Variants in WDFY3 observed in about 807,000 individuals in gnomAD.
WDFY3 encodes the protein WD repeat and FYVE domain containing 3.
In WDFY3, 66 loss-of-function variants were observed where a neutral mutation model predicts 409.6. That is an observed-to-expected ratio of 0.16 (90% CI 0.13 to 0.20). WDFY3 has a LOEUF of 0.20. WDFY3 is among the 10% of genes least tolerant of loss of function. The pLI is 1.00. For missense variants in WDFY3, 3,031 were observed against 4,298.1 expected (o/e 0.71, Z 8.24); for synonymous variants, 1,521 against 1,537.1 (o/e 0.99, Z 0.25).
In WDFY3 at chr4:84,765,889, CT is replaced by C. The variant is rs1313988407; in HGVS notation, c.5108del (p.Lys1703SerfsTer19). ...CTCCACCACTGAGTCCTTCTTTAAACTTGATGAGAATAGACTGATTACTTAG... is the reference window on the plus strand; with the variant it reads ...CTCCACCACTGAGTCCTTCTTTAAACTGATGAGAATAGACTGATTACTTAG... Reference protein sequence around the residue: ...VLLSNQSILIKFKEGLSGGGW... With the variant: ...VLLSNQSILIXFKEGLSGGGW... On this transcript the variant is annotated frameshift_variant, in exon 32 of 68. Coordinates refer to ENST00000295888, the MANE Select transcript of WDFY3 (RefSeq NM_014991.6). LOFTEE classifies it high-confidence loss of function. The C allele has an allele frequency of 6.2e-7, 1 of 1,613,892 alleles. No individual in the cohort carries two copies. Among genetic ancestry groups the C allele is most frequent in the Non-Finnish European group, 8.5e-7 (1 of 1,179,938 alleles).
At chr4:84,883,064 T>G (rs907268986) in intron 3 of WDFY3, among the ~76,000 whole-genome samples, 4 of 152,174 alleles carry the variant, frequency 2.6e-5, no homozygotes, top group East Asian at 1.9e-4. Context: ...TGTATTTATA[T>G]TCTCATGGCT....
chr4:84,698,092 T>A (rs1730437597), intron 56 of WDFY3, among the ~76,000 whole-genome samples: 1 of 152,136 alleles, frequency 6.6e-6, no homozygotes, highest in Non-Finnish European at 1.5e-5. Flanking sequence ...CCACTAGGTC[T>A]AATTTTTTGG....
chr4:84,854,110 A>G (rs1301277136), intron 4 of WDFY3, among the ~76,000 whole-genome samples: 1 of 152,208 alleles, frequency 6.6e-6, no homozygotes, highest in Admixed American at 6.5e-5. Context: ...GGTTGTCAGG[A>G]AAGGTCTTTC....
intron 2 of WDFY3, among the ~76,000 whole-genome samples, chr4:84,903,306 AGTTT>A (rs1579059363): frequency 1.3e-5 from 2 of 152,158 alleles, no homozygotes; most frequent in Non-Finnish European, 2.9e-5. Context: ...ATATGAAGGG[AGTTT>A]GTTTGCGTCA....
At chr4:84,877,922 G>A (rs1314557414) in intron 3 of WDFY3, among the ~76,000 whole-genome samples, 1 of 152,134 alleles carries the variant, frequency 6.6e-6, no homozygotes, top group Non-Finnish European at 1.5e-5. Flanking sequence ...ATTTAAAATA[G>A]ACCAAAGGGG....
intron 19 of WDFY3, among the ~76,000 whole-genome samples, chr4:84,795,369 C>T (rs562640404): frequency 9.6e-4 from 146 of 152,272 alleles, no homozygotes; most frequent in Non-Finnish European, 1.5e-3. Flanking sequence ...ATGTTTTAAT[C>T]TATTGTTTGA....
chr4:84,775,051 G>T lies in WDFY3; in HGVS notation c.4592+14C>A. The T allele has an allele frequency of 1.2e-6, 2 of 1,613,056 alleles. No individual in the cohort carries two copies. Among genetic ancestry groups the T allele is most frequent in the African/African-American group, 1.3e-5 (1 of 74,968 alleles). ...TATAGCTGAATAATTAACTACGTGG[G>T]TATTAATTAATACCTGGACTCTGTG... On this transcript the variant is annotated intron_variant, in intron 28 of 67. Transcript: ENST00000295888.
chr4:84,802,996 C>T (rs1005524696), intron 16 of WDFY3, among the ~76,000 whole-genome samples: 6 of 152,128 alleles, frequency 3.9e-5, no homozygotes, highest in African/African-American at 1.4e-4. Flanking sequence ...CTGTATTATT[C>T]GTTAGCAATG....
intron 1 of WDFY3, among the ~76,000 whole-genome samples, chr4:84,958,904 T>C (rs1033970478): frequency 6.6e-6 from 1 of 152,200 alleles, no homozygotes; most frequent in Admixed American, 6.5e-5. Context: ...AGAGAGGCCT[T>C]CTGATTCAGA....
At chr4:84,946,079 G>A (rs1772788858) in intron 1 of WDFY3, among the ~76,000 whole-genome samples, 1 of 152,098 alleles carries the variant, frequency 6.6e-6, no homozygotes, top group Admixed American at 6.5e-5. Context: ...GTGTTAATGT[G>A]AGTGAAAGAT....
At chr4:84,720,796 T>C (rs905066058) in intron 47 of WDFY3, among the ~76,000 whole-genome samples, 2 of 151,576 alleles carry the variant, frequency 1.3e-5, no homozygotes, top group Non-Finnish European at 2.9e-5. Flanking sequence ...CAATGCAACA[T>C]GGACAACCAC....
At chr4:84,775,202 A>C in intron 27 of WDFY3, 64 bp from the exon 28 acceptor site, 1 of 1,339,186 alleles carries the variant, frequency 7.5e-7, no homozygotes. Flanking sequence ...CCAAACCAAC[A>C]AACACCAATA....
At chr4:84,784,885 T>TACACAC (rs1325257649) in intron 24 of WDFY3, among the ~76,000 whole-genome samples, 2 of 96,080 alleles carry the variant, frequency 2.1e-5, no homozygotes, top group Non-Finnish European at 4.0e-5. Context: ...TATATATATA[T>TACACAC]ATATATACAC....
chr4:84,803,214 T>C, intron 16 of WDFY3, 76 bp downstream of exon 16: 1 of 1,432,094 alleles, frequency 7.0e-7, no homozygotes. Context: ...CTCAACCCCC[T>C]AGCTCATATA....
At chr4:84,821,017 A>C in intron 11 of WDFY3, 67 bp downstream of exon 11, 1 of 1,395,664 alleles carries the variant, frequency 7.2e-7, no homozygotes, top group Non-Finnish European at 9.6e-7. Context: ...GAATGGGAAC[A>C]AGAACAAAAA....
chr4:84,696,826 A>G lies in WDFY3; in HGVS notation c.8597-3T>C. On this transcript the variant is annotated splice_polypyrimidine_tract_variant and splice_region_variant and intron_variant, in intron 56 of 67. Coordinates refer to ENST00000295888, the MANE Select transcript of WDFY3 (RefSeq NM_014991.6). ...CTTGGTGCCATTTTGTTTACAGCCT[A>G]TGCAATTGGATACATTAAAAATAAA... The G allele has an allele frequency of 6.2e-7, 1 of 1,610,990 alleles. No homozygotes were observed. The highest frequency in any genetic ancestry group is 1.1e-5 in the South Asian group (1 of 90,812).
chr4:84,704,291 G>A (rs1194140037), intron 55 of WDFY3, 47 bp downstream of exon 55: 1 of 1,348,680 alleles, frequency 7.4e-7, no homozygotes, highest in Non-Finnish European at 1.0e-6. Flanking sequence ...ATTTTAGATA[G>A]AAGTAGGCTT....
At chr4:84,685,911 AATTG>A (rs1419944914) in intron 62 of WDFY3, among the ~76,000 whole-genome samples, 3 of 152,180 alleles carry the variant, frequency 2.0e-5, no homozygotes, top group Non-Finnish European at 4.4e-5. Context: ...TGCTCCAAAT[AATTG>A]ATTAAGCATC....
chr4:84,753,453 C>A (rs1279377171), intron 35 of WDFY3, among the ~76,000 whole-genome samples: 1 of 151,954 alleles, frequency 6.6e-6, no homozygotes, highest in Admixed American at 6.6e-5. Flanking sequence ...AAGGGACTTA[C>A]AAGAATATGG....
Sources: allele counts gnomAD v4.1 joint callset (sites outside exome capture counted in the v4.1 genomes callset), GRCh38; gene constraint gnomAD v4.1.1; transcripts MANE v1.5; gene names NCBI Gene and HGNC (gene_info 2026-07-23, HGNC 2026-07-21).